Variants in MYO1E observed in about 807,000 individuals in gnomAD.
MYO1E encodes the protein unconventional myosin-Ie.
Under a neutral mutation model 151.1 loss-of-function variants are expected in MYO1E, and 68 were observed. That is an observed-to-expected ratio of 0.45 (90% CI 0.37 to 0.55). The LOEUF (loss-of-function observed/expected upper bound fraction) is 0.55. Among genes scored for constraint, MYO1E ranks in the 20% least tolerant of loss-of-function variants. The pLI, the probability that MYO1E is intolerant of heterozygous loss-of-function variation, is 0.00. For synonymous variants in MYO1E, 601 were observed against 501.7 expected (o/e 1.20, Z -2.64); for missense variants, 1,363 against 1,389.3 (o/e 0.98, Z 0.30).
chr15:59,306,123 G>C (rs1369213520), intron 1 of MYO1E, among the ~76,000 whole-genome samples: 1 of 152,146 alleles, frequency 6.6e-6, no homozygotes. Context: ...TTCAACCCCA[G>C]AAGTTTTTCT....
chr15:59,189,374 T>C (rs1387697538), intron 17 of MYO1E, among the ~76,000 whole-genome samples: 1 of 152,142 alleles, frequency 6.6e-6, no homozygotes, highest in Non-Finnish European at 1.5e-5. Context: ...CTTCCTTTCC[T>C]TTCCCTTCAC....
chr15:59,217,677 C>T (rs557299294), intron 10 of MYO1E, among the ~76,000 whole-genome samples: 1 of 151,670 alleles, frequency 6.6e-6, no homozygotes, highest in South Asian at 2.1e-4. Flanking sequence ...CAGGCACATG[C>T]CACCACACCT....
intron 2 of MYO1E, among the ~76,000 whole-genome samples, chr15:59,271,767 T>A (rs1363778539): frequency 1.3e-5 from 2 of 152,272 alleles, no homozygotes; most frequent in African/African-American, 4.8e-5. Context: ...GTCTTTTAAG[T>A]GCAGACTCAA....
intron 17 of MYO1E, among the ~76,000 whole-genome samples, chr15:59,191,546 C>T (rs546636361): frequency 2.6e-5 from 4 of 152,104 alleles, no homozygotes; most frequent in Non-Finnish European, 5.9e-5. Context: ...ACTGGCTTCA[C>T]GCCAAGCTTT....
intron 21 of MYO1E, among the ~76,000 whole-genome samples, chr15:59,172,889 G>A (rs1285416349): frequency 1.3e-5 from 2 of 152,250 alleles, no homozygotes; most frequent in Non-Finnish European, 2.9e-5. Flanking sequence ...TGCCGTCACA[G>A]CAGCTGGTGC....
intron 1 of MYO1E, among the ~76,000 whole-genome samples, chr15:59,293,549 A>C (rs1268780068): frequency 6.6e-6 from 1 of 151,990 alleles, no homozygotes; most frequent in Non-Finnish European, 1.5e-5. Flanking sequence ...CCCTCTAAAA[A>C]AAAAAACAAA....
rs143543385 is a variant in MYO1E at position 59,297,111 on chromosome 15, C to T, written c.4-24662G>A. On this transcript the variant is annotated intron_variant, in intron 1 of 27. Transcript: ENST00000288235. Reference sequence around the variant, plus strand: ...TCATGATCCACTCGCCTCGGCCTCCCAAAGTGTTGGGATTACGGGCGCGAG... The same window carrying T: ...TCATGATCCACTCGCCTCGGCCTCCTAAAGTGTTGGGATTACGGGCGCGAG... Among the ~76,000 whole-genome samples the T allele has an allele frequency of 2.9e-3, 428 of 149,662 alleles. 16 individuals are homozygous for T. The highest frequency in any genetic ancestry group is 0.02 in the Admixed American group (294 of 14,884).
chr15:59,367,595 G>C (rs74017752), intron 1 of MYO1E, among the ~76,000 whole-genome samples: 1,611 of 152,310 alleles, frequency 0.011, 28 homozygotes, highest in African/African-American at 0.037. Flanking sequence ...GAAAATACCA[G>C]GCTATTCCCT....
intron 1 of MYO1E, among the ~76,000 whole-genome samples, chr15:59,340,218 G>T (rs62002504): frequency 0.18 from 27,447 of 151,968 alleles, 3,271 homozygotes; most frequent in East Asian, 0.49. Flanking sequence ...CGAGAAGCAT[G>T]AGGATCGCTT....
intron 1 of MYO1E, among the ~76,000 whole-genome samples, chr15:59,367,056 C>A (rs970101347): frequency 7.2e-6 from 1 of 138,292 alleles, no homozygotes; most frequent in Non-Finnish European, 1.5e-5. Context: ...CATGACTGTA[C>A]ATAATTCCTA....
intron 1 of MYO1E, among the ~76,000 whole-genome samples, chr15:59,346,128 C>G (rs2080792789): frequency 6.6e-6 from 1 of 152,160 alleles, no homozygotes; most frequent in South Asian, 2.1e-4. Context: ...TTCTGAATCC[C>G]TCATTCAGCT....
rs76932495 is a variant in MYO1E, at chr15:59,348,215, T to C, written c.3+24283A>G. On this transcript the variant is annotated intron_variant, in intron 1 of 27. Coordinates refer to ENST00000288235, the MANE Select transcript of MYO1E (RefSeq NM_004998.4). ...AGCGATGAAACCCCCCAGGTGCTAG[T>C]CACACAAAGGCTTACCTTTTGTAAA... is the stretch of plus-strand genomic sequence containing the variant. Among the ~76,000 whole-genome samples the C allele has an allele frequency of 1.7e-3, 263 of 152,272 alleles. 7 individuals are homozygous for C. In the East Asian group the frequency reaches 0.046, roughly 27 times the overall value.
chr15:59,207,709 G>C lies in MYO1E; in HGVS notation c.1530+972C>G, dbSNP rs1420854708. 8 of 1,614,116 alleles carry C rather than the reference G, an allele frequency of 5.0e-6. No homozygotes were observed. The highest frequency in any genetic ancestry group is 6.8e-6 in the Non-Finnish European group (8 of 1,180,016). ...TGTGTGGAGTGGAGTGAACATAGCTGGTGTCCCTTTGAAGGATCTGAACTC... is the reference window on the plus strand; with the variant it reads ...TGTGTGGAGTGGAGTGAACATAGCTCGTGTCCCTTTGAAGGATCTGAACTC... On this transcript the variant is annotated intron_variant, in intron 14 of 27. Transcript: ENST00000288235.
chr15:59,366,139 C>G (rs1384318679), intron 1 of MYO1E, among the ~76,000 whole-genome samples: 2 of 151,900 alleles, frequency 1.3e-5, no homozygotes, highest in Non-Finnish European at 2.9e-5. Context: ...ACCACCACAC[C>G]TGGCTACTTT....
chr15:59,330,869 G>T (rs28642311), intron 1 of MYO1E, among the ~76,000 whole-genome samples: 8 of 152,044 alleles, frequency 5.3e-5, no homozygotes, highest in African/African-American at 1.9e-4. Context: ...CCCAACCTCA[G>T]ACGATCCTCC....
chr15:59,358,007 A>C (rs1176637065), intron 1 of MYO1E, among the ~76,000 whole-genome samples: 13 of 152,206 alleles, frequency 8.5e-5, no homozygotes, highest in Non-Finnish European at 1.9e-4. Context: ...ACTACATCTT[A>C]ATTGGAGCAT....
At position 59,135,423 on chromosome 15, in the gene MYO1E, C is replaced by T. The variant is rs900379661; in HGVS notation, c.*1957G>A. Reference sequence around the variant, plus strand: ...GCCTGAGTGCTGGTGGCTGTGGGGACTCCAGCATGCTCCTCTGTCCCAGTT... The same window carrying T: ...GCCTGAGTGCTGGTGGCTGTGGGGATTCCAGCATGCTCCTCTGTCCCAGTT... On this transcript the variant is annotated 3_prime_UTR_variant, in exon 28 of 28. Coordinates refer to ENST00000288235, the MANE Select transcript of MYO1E (RefSeq NM_004998.4). 2.0e-5 allele frequency: 3 copies of T among 152,266 alleles called. No individual in the cohort carries two copies. Among genetic ancestry groups the T allele is most frequent in the African/African-American group, 7.2e-5 (3 of 41,430 alleles). 9.4% of individuals were successfully genotyped at this position (152,266 alleles called of 1,614,324 possible).
chr15:59,193,346 G>C (rs556503442), intron 17 of MYO1E, among the ~76,000 whole-genome samples: 14 of 152,296 alleles, frequency 9.2e-5, no homozygotes, highest in East Asian at 3.9e-4. Context: ...CTAACAGCTG[G>C]GCTGGAGTGC....
Position 59,210,538 on chromosome 15 carries a change from T to G in MYO1E, c.1338A>C (p.Val446=). The change falls in exon 13 of 28, where the codon GTA becomes GTC. Residue 446 remains valine, a synonymous_variant. Transcript: ENST00000288235. ...CCACTTTGTTCTCTATGAGGTCACA[T>G]ACGATTTTATTATTAAAGTACTCAA... ...TPIEYFNNKI[V]CDLIENKVNP... The G allele has an allele frequency of 6.2e-7, 1 of 1,602,218 alleles. No individual in the cohort carries two copies.
Sources: gnomAD v4.1 joint callset for allele counts (sites outside exome capture counted in the v4.1 genomes callset) on GRCh38, gnomAD v4.1.1 for gene constraint, MANE v1.5 for transcripts, NCBI Gene and HGNC (gene_info 2026-07-23, HGNC 2026-07-21) for gene names.